RP2: variants seen among roughly 807,000 people sequenced by gnomAD.
RP2 encodes RP2 activator of ARL3 GTPase.
A neutral mutation model predicts 20.3 loss-of-function variants in RP2; 3 were observed. The observed-to-expected ratio is 0.15, with a 90% confidence interval of 0.07 to 0.38. The LOEUF is 0.38. RP2 is among the 10% of genes least tolerant of loss of function. RP2 has a pLI of 1.00. For missense variants in RP2, 233 were observed against 268.5 expected (o/e 0.87, Z 0.92); for synonymous variants, 75 against 94.8 (o/e 0.79, Z 1.22).
intron 1 of RP2, among the ~76,000 whole-genome samples, chrX:46,837,405 C>CTT (rs1556313664): frequency 2.7e-5 from 3 of 111,660 alleles, no homozygotes; most frequent in Non-Finnish European, 5.6e-5. Flanking sequence ...GGCTGTGGAG[C>CTT]TCCGGAAGGA....
intron 2 of RP2, among the ~76,000 whole-genome samples, chrX:46,858,923 T>A (rs1218038135): frequency 2.7e-5 from 3 of 112,248 alleles, no homozygotes; most frequent in Admixed American, 9.5e-5. Context: ...GAATCATTTT[T>A]AAATTTATTT....
At chrX:46,876,031 A>G (rs1556327629) in intron 3 of RP2, among the ~76,000 whole-genome samples, 1 of 111,405 alleles carries the variant, frequency 9.0e-6, no homozygotes, top group Admixed American at 9.6e-5. Context: ...TTATTACAAT[A>G]TGTTCTTGAA....
In RP2 at chrX:46,854,112, A is replaced by G; in HGVS notation, c.739A>G (p.Ile247Val). ...GGTATTATTTGCTGGTGATTACACT[A>G]TTGCAAATGCCAGAAAACTAATTGA... is the stretch of plus-strand genomic sequence containing the variant. ...LVVLFAGDYT[I>V]ANARKLIDEM... Residue 247 changes from isoleucine (I) to valine (V), a missense_variant, in exon 2 of 5, where the codon ATT becomes GTT. Transcript: ENST00000218340. 4.1e-6 allele frequency: 5 copies of G among 1,211,302 alleles called. No individual in the cohort carries two copies. The highest frequency in any genetic ancestry group is 5.6e-6 in the Non-Finnish European group (5 of 894,927).
Position 46,849,162 on chromosome X carries a change from G to T in RP2, c.103-4314G>T, listed in dbSNP as rs782246176. On this transcript the variant is annotated intron_variant, in intron 1 of 4. Coordinates refer to ENST00000218340, the MANE Select transcript of RP2 (RefSeq NM_006915.3). ...CAGAACTAGTAACCTGCAAAATTAC[G>T]AAGGATTTCAGTTTCAGTTGTTTAT... Among the ~76,000 whole-genome samples, 5 of 110,587 alleles carry T rather than the reference G, an allele frequency of 4.5e-5. No individual in the cohort carries two copies. The Admixed American group carries it at 4.8e-4, about 11-fold the overall frequency.
intron 3 of RP2, among the ~76,000 whole-genome samples, chrX:46,864,688 G>A (rs1229919698): frequency 9.0e-6 from 1 of 111,617 alleles, no homozygotes; most frequent in East Asian, 2.8e-4. Context: ...TGAGATTATA[G>A]GCATAAGCCA....
intron 1 of RP2, among the ~76,000 whole-genome samples, chrX:46,837,454 G>C (rs1192862602): frequency 9.0e-6 from 1 of 111,582 alleles, no homozygotes; most frequent in Non-Finnish European, 1.9e-5. Flanking sequence ...AGACTCCCCC[G>C]GGAGCTTTCT....
At chrX:46,847,993 C>T (rs1418536277) in intron 1 of RP2, among the ~76,000 whole-genome samples, 1 of 101,785 alleles carries the variant, frequency 9.8e-6, no homozygotes, top group Non-Finnish European at 2.0e-5. Context: ...GTTATATAGT[C>T]TCTGTGTGCC....
chrX:46,862,843 ACAT>A (rs1925102178), intron 3 of RP2, among the ~76,000 whole-genome samples: 1 of 111,609 alleles, frequency 9.0e-6, no homozygotes, highest in Non-Finnish European at 1.9e-5. Flanking sequence ...AAAATACACA[ACAT>A]CATATGTAGA....
intron 3 of RP2, 64 bp downstream of exon 3, chrX:46,860,166 T>C: frequency 1.3e-6 from 1 of 789,051 alleles, no homozygotes; most frequent in East Asian, 3.2e-5. Context: ...TTGATTTACT[T>C]TTGCCTTTAA....
chrX:46,847,794 G>T (rs1260995847), intron 1 of RP2, among the ~76,000 whole-genome samples: 1 of 96,110 alleles, frequency 1.0e-5, no homozygotes, highest in African/African-American at 3.9e-5. Flanking sequence ...ACACATGTGT[G>T]TGTGTATATA....
chrX:46,857,343 C>T (rs1924979736), intron 2 of RP2, among the ~76,000 whole-genome samples: 1 of 111,194 alleles, frequency 9.0e-6, no homozygotes, highest in Non-Finnish European at 1.9e-5. Flanking sequence ...GGGTGGATCA[C>T]GAGGTCAGGA....
intron 1 of RP2, among the ~76,000 whole-genome samples, chrX:46,850,663 A>G (rs1556317938): frequency 9.1e-6 from 1 of 110,342 alleles, no homozygotes; most frequent in Non-Finnish European, 1.9e-5. Context: ...CTTTATTCCT[A>G]CCCCTTTTAC....
At chrX:46,842,234 C>T (rs1556315058) in intron 1 of RP2, among the ~76,000 whole-genome samples, 1 of 112,047 alleles carries the variant, frequency 8.9e-6, no homozygotes, top group African/African-American at 3.2e-5. Flanking sequence ...TGTTTTTGTA[C>T]TCATTAACCA....
chrX:46,855,547 A>G (rs891998504), intron 2 of RP2, among the ~76,000 whole-genome samples: 1 of 110,587 alleles, frequency 9.0e-6, no homozygotes, highest in Non-Finnish European at 1.9e-5. Context: ...AGCTCACTGC[A>G]ACCTCTGCCT....
At chrX:46,860,762 A>C (rs1925047491) in intron 3 of RP2, among the ~76,000 whole-genome samples, 1 of 111,993 alleles carries the variant, frequency 8.9e-6, no homozygotes, top group African/African-American at 3.2e-5. Context: ...CTCAAGGCTC[A>C]TCAGGCTTTC....
chrX:46,868,933 A>C (rs1224877027), intron 3 of RP2, among the ~76,000 whole-genome samples: 1 of 110,246 alleles, frequency 9.1e-6, no homozygotes, highest in Non-Finnish European at 1.9e-5. Flanking sequence ...TCATCTCTAC[A>C]AAAAAATACA....
At chrX:46,838,276 C>G (rs1207520115) in intron 1 of RP2, among the ~76,000 whole-genome samples, 1 of 112,144 alleles carries the variant, frequency 8.9e-6, no homozygotes, top group African/African-American at 3.2e-5. Context: ...AAATTGAAAG[C>G]TTTTTGCAGC....
At chrX:46,863,704 C>T (rs987991320) in intron 3 of RP2, among the ~76,000 whole-genome samples, 8 of 111,980 alleles carry the variant, frequency 7.1e-5, no homozygotes, top group East Asian at 2.8e-4. Context: ...TAAAACACCA[C>T]CCCAGTTGTG....
At chrX:46,837,343 C>A in intron 1 of RP2, 141 bp downstream of exon 1, 1 of 654,375 alleles carries the variant, frequency 1.5e-6, no homozygotes, top group Non-Finnish European at 2.4e-6. Flanking sequence ...GGGTGCACGA[C>A]TTTTTTGGGG....
Sources: allele counts gnomAD v4.1 joint callset (sites outside exome capture counted in the v4.1 genomes callset), GRCh38; gene constraint gnomAD v4.1.1; transcripts MANE v1.5; gene names NCBI Gene and HGNC (gene_info 2026-07-23, HGNC 2026-07-21).